The following TRPM6 variants were observed in gnomAD, a reference collection of about 807,000 sequenced individuals.
TRPM6 encodes the protein channel kinase 2.
In TRPM6, 111 loss-of-function variants were observed where a neutral mutation model predicts 247.6. The observed-to-expected ratio is 0.45, with a 90% CI of 0.38 to 0.52. The LOEUF is 0.52. Ranked by LOEUF, TRPM6 falls within the 20% of genes least tolerant of loss-of-function variation. The pLI is 0.00. For missense variants in TRPM6, 2,126 were observed against 2,421.5 expected, an observed-to-expected ratio of 0.88 and a Z score of 2.56; for synonymous variants, 892 against 853.8, an observed-to-expected ratio of 1.04 and a Z score of -0.78.
Position 74,762,435 on chromosome 9 carries a change from G to A in TRPM6, c.4236C>T (p.His1412=), listed in dbSNP as rs1290646305. 4 of 1,614,068 alleles carry A rather than the reference G, an allele frequency of 2.5e-6. No individual in the cohort carries two copies. ...EPKEKHEPIA[H]LLDGQDKAEQ... is the part of the protein sequence containing the mutation. The stretch of plus-strand genomic sequence containing the variant: ...CTGCCTTGTCTTGTCCATCCAGTAA[G>A]TGAGCAATAGGCTCGTGCTTTTCCT... The change falls in exon 26 of 39, where the codon CAC becomes CAT. Residue 1412 remains histidine, a synonymous_variant. Transcript: ENST00000360774.
At chr9:74,753,501 G>A (rs540001672) in intron 28 of TRPM6, among the ~76,000 whole-genome samples, 2 of 152,250 alleles carry the variant, frequency 1.3e-5, no homozygotes, top group East Asian at 3.9e-4. Context: ...TTTGAGACCA[G>A]CCTGGGTAAC....
chr9:74,767,825 A>G (rs903092357), intron 25 of TRPM6, among the ~76,000 whole-genome samples: 5 of 152,174 alleles, frequency 3.3e-5, no homozygotes, highest in African/African-American at 1.2e-4. Flanking sequence ...AAAAATTAAA[A>G]GTTAGCTCAG....
intron 20 of TRPM6, among the ~76,000 whole-genome samples, chr9:74,788,030 T>A (rs560190293): frequency 1.3e-5 from 2 of 151,990 alleles, no homozygotes; most frequent in African/African-American, 2.4e-5. Flanking sequence ...CTTTTTTTTT[T>A]AAAGTAACTC....
chr9:74,853,124 G>A (rs1830404359), intron 3 of TRPM6, among the ~76,000 whole-genome samples: 1 of 151,682 alleles, frequency 6.6e-6, no homozygotes, highest in Non-Finnish European at 1.5e-5. Context: ...GAACTGAGGA[G>A]TGTCTCTGCT....
chr9:74,886,780 A>G (rs554824376), intron 1 of TRPM6, among the ~76,000 whole-genome samples: 5 of 152,322 alleles, frequency 3.3e-5, no homozygotes, highest in African/African-American at 1.2e-4. Context: ...TACAAATCGT[A>G]TTATCCCATT....
intron 27 of TRPM6, among the ~76,000 whole-genome samples, chr9:74,756,041 A>G (rs1826419776): frequency 6.6e-6 from 1 of 152,256 alleles, no homozygotes; most frequent in Admixed American, 6.5e-5. Flanking sequence ...GAGCTGCAGA[A>G]CAAATGCGGT....
rs147625428 is a variant in TRPM6, at chr9:74,785,997, A to G, written c.2796T>C (p.Pro932=). The G allele has an allele frequency of 1.2e-5, 19 of 1,614,110 alleles. No homozygotes were observed. The highest frequency in any genetic ancestry group is 1.4e-5 in the Non-Finnish European group (17 of 1,180,048). ...SAGFVLRWGD[P]PFHTAGRLIY... ...TCAGTCTTCCCGCTGTGTGAAAAGG[A>G]GGGTCACCCCATCGAAGGACGAAGC... Residue 932 remains proline, a synonymous_variant, in exon 21 of 39, where the codon CCT becomes CCC. Coordinates refer to ENST00000360774, the MANE Select transcript of TRPM6 (RefSeq NM_017662.5).
chr9:74,752,203 G>T lies in TRPM6; in HGVS notation c.4998+74C>A, dbSNP rs908442577. 6 of 825,966 alleles carry T rather than the reference G, an allele frequency of 7.3e-6. No individual in the cohort carries two copies. In the African/African-American group the frequency reaches 8.5e-5, roughly 12 times the overall value. The allele number at this position is 825,966 out of a possible 1,614,324, so 51.2% of individuals were successfully genotyped here. A position where few individuals can be genotyped will look rare whatever the true frequency, so the allele number is the denominator to read the frequency against. Reference sequence around the variant, plus strand: ...GTAGAAGCCAATTAAGGGACATAAAGGTAAAATGGGCGTAGTCAAGAGTAG... The same window carrying T: ...GTAGAAGCCAATTAAGGGACATAAATGTAAAATGGGCGTAGTCAAGAGTAG... On this transcript the variant is annotated intron_variant, in intron 29 of 38. Transcript: ENST00000360774.
At chr9:74,816,843 C>A in intron 10 of TRPM6, 49 bp downstream of exon 10, 1 of 1,609,602 alleles carries the variant, frequency 6.2e-7, no homozygotes, top group East Asian at 2.2e-5. Flanking sequence ...TACTGTGGAA[C>A]ATGAGAAGCG....
chr9:74,760,496 TG>T (rs1826587247), intron 27 of TRPM6, among the ~76,000 whole-genome samples: 1 of 152,164 alleles, frequency 6.6e-6, no homozygotes, highest in Admixed American at 6.5e-5. Flanking sequence ...TGTGCCATGA[TG>T]AAATCACCTA....
At chr9:74,859,852 T>C (rs894262863) in intron 1 of TRPM6, among the ~76,000 whole-genome samples, 1 of 152,080 alleles carries the variant, frequency 6.6e-6, no homozygotes, top group Non-Finnish European at 1.5e-5. Context: ...AAGGAAGGCT[T>C]TCTAAAAGGG....
intron 1 of TRPM6, among the ~76,000 whole-genome samples, chr9:74,867,891 C>T (rs1275303101): frequency 6.6e-6 from 1 of 152,166 alleles, no homozygotes; most frequent in Non-Finnish European, 1.5e-5. Context: ...CAGTGGCTCA[C>T]GCCTGTAATC....
chr9:74,787,440 C>A (rs1401695845), intron 20 of TRPM6, among the ~76,000 whole-genome samples: 1 of 151,310 alleles, frequency 6.6e-6, no homozygotes, highest in Non-Finnish European at 1.5e-5. Flanking sequence ...TAAAATAGTA[C>A]ACCGATTTTC....
chr9:74,861,932 T>C (rs1316137094), intron 1 of TRPM6, among the ~76,000 whole-genome samples: 1 of 152,042 alleles, frequency 6.6e-6, no homozygotes, highest in Non-Finnish European at 1.5e-5. Context: ...CCCCAGGGCC[T>C]AACCCAATGA....
In TRPM6 at chr9:74,723,857, A is replaced by G. The variant is rs1438247406; in HGVS notation, c.*756T>C. Reference sequence around the variant, plus strand: ...TATATATTCCATATGTATTTTATATATATAATATATATATTCCATATATAT... The same window carrying G: ...TATATATTCCATATGTATTTTATATGTATAATATATATATTCCATATATAT... On this transcript the variant is annotated 3_prime_UTR_variant, in exon 39 of 39. Coordinates refer to ENST00000360774, the MANE Select transcript of TRPM6 (RefSeq NM_017662.5). The G allele has an allele frequency of 6.8e-6, 1 of 146,930 alleles. No individual in the cohort carries two copies. The highest frequency in any genetic ancestry group is 1.5e-5 in the Non-Finnish European group (1 of 67,050). 9.1% of individuals were successfully genotyped at this position (146,930 alleles called of 1,614,324 possible).
At chr9:74,858,619 T>C in intron 2 of TRPM6, 50 bp downstream of exon 2, 1 of 1,165,654 alleles carries the variant, frequency 8.6e-7, no homozygotes, top group Non-Finnish European at 1.3e-6. Context: ...CTATAAATAG[T>C]CCATCAGGTA....
At position 74,732,919 on chromosome 9, in the gene TRPM6, C is replaced by T. The variant is rs1169415864; in HGVS notation, c.5777-183G>A. 7.2e-5 allele frequency among the ~76,000 whole-genome samples: 11 copies of T among 152,132 alleles called. 1 individual carries two copies. In the South Asian group the frequency reaches 8.3e-4, roughly 11 times the overall value. On this transcript the variant is annotated intron_variant, in intron 36 of 38. Coordinates refer to ENST00000360774, the MANE Select transcript of TRPM6 (RefSeq NM_017662.5). Reference sequence around the variant, plus strand: ...CTGGCAAGTAAAAAATCTGGCTGGGCGCGGTGGCTCACGCCTGTAATCCCA... The same window carrying T: ...CTGGCAAGTAAAAAATCTGGCTGGGTGCGGTGGCTCACGCCTGTAATCCCA...
chr9:74,810,533 G>A (rs887087360), intron 13 of TRPM6, among the ~76,000 whole-genome samples: 1 of 152,224 alleles, frequency 6.6e-6, no homozygotes, highest in Admixed American at 6.5e-5. Flanking sequence ...ATCGGGGTAA[G>A]CTGAAGTTCT....
intron 1 of TRPM6, among the ~76,000 whole-genome samples, chr9:74,883,878 A>C (rs1831441899): frequency 6.6e-6 from 1 of 152,182 alleles, no homozygotes; most frequent in Non-Finnish European, 1.5e-5. Context: ...GATCGGGTGC[A>C]GTGGCTCATG....
Sources: allele counts gnomAD v4.1 joint callset (sites outside exome capture counted in the v4.1 genomes callset), GRCh38; gene constraint gnomAD v4.1.1; transcripts MANE v1.5; gene names NCBI Gene and HGNC (gene_info 2026-07-23, HGNC 2026-07-21).